The following TRIM55 variants were observed in gnomAD, a reference collection of about 807,000 sequenced individuals.
The protein encoded by TRIM55 is tripartite motif-containing protein 55.
TRIM55 carries 50 observed loss-of-function variants against 60.9 expected under a neutral mutation model. The observed-to-expected ratio is 0.82, with a 90% CI of 0.65 to 1.04. The LOEUF (loss-of-function observed/expected upper bound fraction) is 1.04. Among genes scored for constraint, TRIM55 ranks in the 50% least tolerant of loss-of-function variants. The pLI, the probability that TRIM55 is intolerant of heterozygous loss-of-function variation, is 0.00. For synonymous variants in TRIM55, 237 were observed against 238.1 expected (o/e 1.00, Z 0.04); for missense variants, 681 against 666.9 (o/e 1.02, Z -0.23).
chr8:66,125,665 C>T (rs186660473), upstream of TRIM55, among the ~76,000 whole-genome samples: 1 of 152,308 alleles, frequency 6.6e-6, no homozygotes, highest in Non-Finnish European at 1.5e-5. Flanking sequence ...CCCGTCCTCC[C>T]TGTAGTTGCT....
At chr8:66,114,080 A>AACC in the TRIM55 span, among the ~76,000 whole-genome samples, 1 of 39,558 alleles carries the variant, frequency 2.5e-5, no homozygotes, top group African/African-American at 1.1e-4. Context: ...CGAAGGAGAG[A>AACC]CACCCCCCCC....
the TRIM55 span, among the ~76,000 whole-genome samples, chr8:66,115,823 C>T: frequency 0.034 from 5,136 of 152,242 alleles, 128 homozygotes; most frequent in Middle Eastern, 0.075. Flanking sequence ...AATAATGATA[C>T]CTACTTTTAA....
the TRIM55 span, among the ~76,000 whole-genome samples, chr8:66,119,863 G>C: frequency 6.6e-6 from 1 of 152,174 alleles, no homozygotes; most frequent in Admixed American, 6.5e-5. Flanking sequence ...TAGTTTCAGA[G>C]CTGCACTGTG....
At chr8:66,150,176 G>A (rs1195164848) in intron 5 of TRIM55, 41 bp from the exon 6 acceptor site, 1 of 1,602,320 alleles carries the variant, frequency 6.2e-7, no homozygotes, top group South Asian at 1.1e-5. Flanking sequence ...GTCTTTTGTG[G>A]AAATAATTTA....
chr8:66,132,601 A>T (rs1809227348), intron 2 of TRIM55, among the ~76,000 whole-genome samples: 1 of 152,232 alleles, frequency 6.6e-6, no homozygotes, highest in South Asian at 2.1e-4. Flanking sequence ...GCCTACACTG[A>T]ACGGTGAGGG....
At chr8:66,138,387 T>G (rs1809606735) in intron 4 of TRIM55, among the ~76,000 whole-genome samples, 1 of 152,192 alleles carries the variant, frequency 6.6e-6, no homozygotes, top group African/African-American at 2.4e-5. Flanking sequence ...ATTATGTTTT[T>G]GGGGTTTTTG....
intron 8 of TRIM55, among the ~76,000 whole-genome samples, chr8:66,153,028 A>C (rs573466912): frequency 1.6e-4 from 24 of 152,112 alleles, no homozygotes; most frequent in African/African-American, 5.3e-4. Flanking sequence ...GTGAATGTAT[A>C]TGTAGGGTAT....
intron 3 of TRIM55, 83 bp from the exon 4 acceptor site, chr8:66,137,012 G>T (rs1809514269): frequency 1.7e-6 from 2 of 1,190,062 alleles, no homozygotes; most frequent in Non-Finnish European, 2.4e-6. Context: ...TTAAGAACCT[G>T]TAAAGACAAT....
At chr8:66,160,849 C>T (rs1367185775) in intron 9 of TRIM55, among the ~76,000 whole-genome samples, 2 of 149,922 alleles carry the variant, frequency 1.3e-5, no homozygotes, top group Non-Finnish European at 3.0e-5. Context: ...GTCCTTTGCC[C>T]ACTTTTTGAT....
At chr8:66,134,480 C>T (rs10113208) in intron 2 of TRIM55, among the ~76,000 whole-genome samples, 32,117 of 151,852 alleles carry the variant, frequency 0.21, 4,909 homozygotes, top group African/African-American at 0.44. Flanking sequence ...TGGAGGGGGG[C>T]GATCTAGCTA....
At position 66,149,716 on chromosome 8, in the gene TRIM55, G is replaced by A; in HGVS notation, c.675G>A (p.Arg225=). 6.2e-7 allele frequency: 1 copy of A among 1,614,186 alleles called. No homozygotes were observed. Among genetic ancestry groups the A allele is most frequent in the South Asian group, 1.1e-5 (1 of 91,086 alleles). ...FDYLYGILEE[R]KNEMTQVITR... ...ACCTGTATGGCATTTTGGAGGAGAG[G>A]AAGAATGAAATGACCCAAGTCATTA... The change falls in exon 5 of 10, where the codon AGG becomes AGA. Residue 225 remains arginine (R), a synonymous_variant. Coordinates refer to ENST00000315962, the MANE Select transcript of TRIM55 (RefSeq NM_184085.2).
At chr8:66,144,020 T>A (rs1347085881) in intron 4 of TRIM55, among the ~76,000 whole-genome samples, 1 of 152,250 alleles carries the variant, frequency 6.6e-6, no homozygotes, top group Non-Finnish European at 1.5e-5. Context: ...TTGATTTTTC[T>A]TTCCATGAAA....
chr8:66,122,633 A>G (rs1442403929), upstream of TRIM55, among the ~76,000 whole-genome samples: 1 of 152,024 alleles, frequency 6.6e-6, no homozygotes, highest in Non-Finnish European at 1.5e-5. Context: ...AAGCCCCCCA[A>G]CTCACTGATG....
In TRIM55 at chr8:66,128,299, A is replaced by G. The variant is rs763549562; in HGVS notation, c.169-5A>G. ...AATTCCTTTTTTCTTACTTGGCAAGAACAGGCCTCTAACCCGTATTTGCCC... is the reference window on the plus strand; with the variant it reads ...AATTCCTTTTTTCTTACTTGGCAAGGACAGGCCTCTAACCCGTATTTGCCC... On this transcript the variant is annotated splice_polypyrimidine_tract_variant and splice_region_variant and intron_variant, in intron 1 of 9. Coordinates refer to ENST00000315962, the MANE Select transcript of TRIM55 (RefSeq NM_184085.2). 1 of 1,581,992 alleles carries G rather than the reference A, an allele frequency of 6.3e-7. No individual in the cohort carries two copies. Among genetic ancestry groups the G allele is most frequent in the Non-Finnish European group, 8.6e-7 (1 of 1,165,548 alleles).
rs1408741494 is a variant in TRIM55, at chr8:66,174,518, G to A, written c.1572G>A (p.Ala524=). The change falls in exon 10 of 10, where the codon GCG becomes GCA. Residue 524 remains alanine (A), a synonymous_variant. Coordinates refer to ENST00000315962, the MANE Select transcript of TRIM55 (RefSeq NM_184085.2). ...PPLQGQAAAP[A]SGSGADSEPA... is the part of the protein sequence containing the mutation. Reference sequence around the variant, plus strand: ...TCCAGGGACAGGCTGCAGCTCCAGCGAGTGGCAGTGGAGCTGATTCTGAGC... The same window carrying A: ...TCCAGGGACAGGCTGCAGCTCCAGCAAGTGGCAGTGGAGCTGATTCTGAGC... 6.2e-6 allele frequency: 10 copies of A among 1,612,208 alleles called. No homozygotes were observed. The highest frequency in any genetic ancestry group is 2.2e-5 in the East Asian group (1 of 44,680).
chr8:66,152,300 T>C lies in TRIM55; in HGVS notation c.986-77T>C. ...CCCCAGCCTTGACCTTAACTAGGGCTATAAGCACTGGCCATTAACTGTGTC... is the reference window on the plus strand; with the variant it reads ...CCCCAGCCTTGACCTTAACTAGGGCCATAAGCACTGGCCATTAACTGTGTC... On this transcript the variant is annotated intron_variant, in intron 7 of 9. Transcript: ENST00000315962. 3.3e-6 allele frequency: 5 copies of C among 1,499,758 alleles called. No individual in the cohort carries two copies. In the South Asian group the frequency reaches 3.9e-5, roughly 12 times the overall value. 92.9% of individuals were successfully genotyped at this position (1,499,758 alleles called of 1,614,324 possible).
chr8:66,125,926 A>G (rs1281599799), upstream of TRIM55, among the ~76,000 whole-genome samples: 2 of 152,364 alleles, frequency 1.3e-5, no homozygotes, highest in Non-Finnish European at 1.5e-5. Context: ...AATTTATCAC[A>G]TATAAACAGA....
At position 66,152,445 on chromosome 8, in the gene TRIM55, G is replaced by A; in HGVS notation, c.1054G>A (p.Glu352Lys). 1 of 1,613,618 alleles carries A rather than the reference G, an allele frequency of 6.2e-7. No homozygotes were observed. Among genetic ancestry groups the A allele is most frequent in the Non-Finnish European group, 8.5e-7 (1 of 1,179,550 alleles). Residue 352 changes from glutamate (E) to lysine (K), a missense_variant, in exon 8 of 10, where the codon GAA (glutamate) becomes AAA (lysine). Coordinates refer to ENST00000315962, the MANE Select transcript of TRIM55 (RefSeq NM_184085.2). ...AGAAGGAGAAGGAGAAGTGGGAGGA[G>A]AAGCAGTAGAAGTGGAAGAGGTAGA... ...EKEGEGEVGGEAVEVEEVENV... is the reference protein window; with the variant it reads ...EKEGEGEVGGKAVEVEEVENV...
At position 66,150,243 on chromosome 8, in the gene TRIM55, A is replaced by G; in HGVS notation, c.860+4A>G. ...ATGCCAAAACCCTGCTAAAAAAGTA[A>G]GAACTTTTTATTTTATGTAAAAATG... On this transcript the variant is annotated splice_donor_region_variant and intron_variant, in intron 6 of 9. Transcript: ENST00000315962. 1 of 1,613,112 alleles carries G rather than the reference A, an allele frequency of 6.2e-7. No homozygotes were observed. The highest frequency in any genetic ancestry group is 8.5e-7 in the Non-Finnish European group (1 of 1,179,442).
Sources: allele counts gnomAD v4.1 joint callset (sites outside exome capture counted in the v4.1 genomes callset), GRCh38; gene constraint gnomAD v4.1.1; transcripts MANE v1.5; gene names NCBI Gene and HGNC (gene_info 2026-07-23, HGNC 2026-07-21).